EGR2: variants seen among roughly 807,000 people sequenced by gnomAD.
EGR2 encodes E3 SUMO-protein ligase EGR2.
Under a neutral mutation model 21.2 loss-of-function variants are expected in EGR2, and 2 were observed. The observed-to-expected ratio is 0.09, with a 90% CI of 0.04 to 0.30. The LOEUF (loss-of-function observed/expected upper bound fraction) is 0.30. Among genes scored for constraint, EGR2 ranks in the 10% least tolerant of loss-of-function variants. The pLI is 1.00. For missense variants in EGR2, 458 were observed against 630.2 expected (o/e 0.73, Z 2.93); for synonymous variants, 282 against 258.2 (o/e 1.09, Z -0.88).
At chr10:62,818,709 C>T, upstream of EGR2, 1 of 902,782 alleles carries the variant, frequency 1.1e-6, no homozygotes, top group South Asian at 1.7e-5. Context: ...CGATGGGGCT[C>T]GGGTTACGGC....
rs1842202676 is a variant in EGR2 at position 62,814,187 on chromosome 10, C to T, written c.451G>A (p.Val151Met). ...GGCTGGGTCTGGGACATGGTGCACACACCCAGGGGTCCTGTGGCCAGTGGG... is the reference window on the plus strand; with the variant it reads ...GGCTGGGTCTGGGACATGGTGCACATACCCAGGGGTCCTGTGGCCAGTGGG... ...PNPLATGPLG[V>M]CTMSQTQPDL... Residue 151 changes from valine to methionine, a missense_variant, in exon 2 of 2, where the codon GTG (valine) becomes ATG (methionine). Around this residue, in one of 5 missense-constraint regions of EGR2, gnomAD observed 253 missense variants for 315.5 expected, o/e 0.80. Coordinates refer to ENST00000242480, the MANE Select transcript of EGR2 (RefSeq NM_000399.5). This position sits in a 1 kb window ranked among gnomAD's most constrained non-coding sequence, Gnocchi z 4.8. The T allele has an allele frequency of 1.2e-6, 2 of 1,614,128 alleles. No individual in the cohort carries two copies. Among genetic ancestry groups the T allele is most frequent in the East Asian group, 2.2e-5 (1 of 44,884 alleles).
chr10:62,817,149 G>T (rs1838268877), upstream of EGR2, among the ~76,000 whole-genome samples: 1 of 152,124 alleles, frequency 6.6e-6, no homozygotes. The surrounding 1 kb of genome is among the most constrained non-coding windows in gnomAD (Gnocchi z 4.4). Flanking sequence ...ATCCTCAGCC[G>T]GAGACACCCT....
chr10:62,815,763 G>A (rs1008237586), intron 1 of EGR2, 98 bp downstream of exon 1: 4 of 1,450,690 alleles, frequency 2.8e-6, no homozygotes, highest in Non-Finnish European at 2.8e-6. Context: ...CGTCCACCTG[G>A]AGCCCCAATC....
rs766661774 is a variant in EGR2 at position 62,813,187 on chromosome 10, G to A, written c.*20C>T. 1.9e-6 allele frequency: 3 copies of A among 1,546,212 alleles called. No homozygotes were observed. In the South Asian group the frequency reaches 3.7e-5, roughly 19 times the overall value. ...GCCTCCGGGACCTTTGGGAGCTGGT[G>A]TATCAGCCTGAGTCTCATCTCAAGG... On this transcript the variant is annotated 3_prime_UTR_variant, in exon 2 of 2. Coordinates refer to ENST00000242480, the MANE Select transcript of EGR2 (RefSeq NM_000399.5). The surrounding 1 kb of genome is among the most constrained non-coding windows in gnomAD (Gnocchi z 5.7).
chr10:62,818,587 C>T, upstream of EGR2: 4 of 1,277,996 alleles, frequency 3.1e-6, no homozygotes, highest in South Asian at 5.0e-5. Flanking sequence ...GTCCCGCGGC[C>T]CCCGCGCTGA....
upstream of EGR2, chr10:62,818,643 G>C (rs1054419295): frequency 1.2e-5 from 15 of 1,262,016 alleles, no homozygotes; most frequent in African/African-American, 1.6e-5. Flanking sequence ...CTCGCATCTC[G>C]GGCCCTGAGT....
chr10:62,814,453 A>G lies in EGR2; in HGVS notation c.185T>C (p.Ile62Thr). The G allele has an allele frequency of 6.2e-7, 1 of 1,614,054 alleles. No individual in the cohort carries two copies. Among genetic ancestry groups the G allele is most frequent in the Non-Finnish European group, 8.5e-7 (1 of 1,179,980 alleles). Residue 62 changes from isoleucine to threonine, a missense_variant, in exon 2 of 2, where the codon ATT becomes ACT. By Grantham distance (89) the Ile-to-Thr change is moderately conservative (BLOSUM62 -1). Coordinates refer to ENST00000242480, the MANE Select transcript of EGR2 (RefSeq NM_000399.5). The surrounding 1 kb of genome is among the most constrained non-coding windows in gnomAD (Gnocchi z 4.8). ...NGVAGDGMIN[I>T]DMTGEKRSLD... is the part of the protein sequence containing the mutation. ...CGACCTCTTCTCTCCAGTCATGTCAATGTTGATCATGCCATCTGGGGAGGG... is the reference window on the plus strand; with the variant it reads ...CGACCTCTTCTCTCCAGTCATGTCAGTGTTGATCATGCCATCTGGGGAGGG...
Position 62,813,545 on chromosome 10 carries a change from T to C in EGR2, c.1093A>G (p.Thr365Ala). 6.2e-7 allele frequency: 1 copy of C among 1,613,440 alleles called. No individual in the cohort carries two copies. Among genetic ancestry groups the C allele is most frequent in the Non-Finnish European group, 8.5e-7 (1 of 1,180,006 alleles). Residue 365 changes from threonine to alanine, a missense_variant, in exon 2 of 2, where the codon ACT becomes GCT. Around this residue, in one of 5 missense-constraint regions of EGR2, gnomAD observed 39 missense variants for 113.7 expected, o/e 0.34. Transcript: ENST00000242480. This position sits in a 1 kb window ranked among gnomAD's most constrained non-coding sequence, Gnocchi z 5.7. Reference protein sequence around the residue: ...DELTRHIRIHTGHKPFQCRIC... With the variant: ...DELTRHIRIHAGHKPFQCRIC... ...CGACACTGGAAGGGCTTATGCCCAG[T>C]GTGGATTCGGATGTGCCGTGTCAGC...
chr10:62,817,066 T>G (rs1047909158), upstream of EGR2, among the ~76,000 whole-genome samples: 2 of 152,142 alleles, frequency 1.3e-5, no homozygotes, highest in Non-Finnish European at 2.9e-5. The surrounding 1 kb of genome is among the most constrained non-coding windows in gnomAD (Gnocchi z 4.4). Flanking sequence ...TTTGTTTAAG[T>G]ATTTTGGGCA....
chr10:62,815,620 G>A (rs1842246068), intron 1 of EGR2, among the ~76,000 whole-genome samples: 1 of 152,234 alleles, frequency 6.6e-6, no homozygotes, highest in Admixed American at 6.5e-5. Context: ...CGCTCGCCCG[G>A]GGCTGGGCGC....
chr10:62,815,825 C>A, intron 1 of EGR2, 36 bp downstream of exon 1: 1 of 1,612,550 alleles, frequency 6.2e-7, no homozygotes, highest in Non-Finnish European at 8.5e-7. Context: ...ACCTCCGGGC[C>A]GCGCAGGTCC....
chr10:62,815,758 A>G, intron 1 of EGR2, 103 bp downstream of exon 1: 2 of 1,424,872 alleles, frequency 1.4e-6, no homozygotes, highest in Non-Finnish European at 1.9e-6. Flanking sequence ...AGCACCGTCC[A>G]CCTGGAGCCC....
rs1360420318 is a variant in EGR2 at position 62,815,833 on chromosome 10, T to G, written c.169+28A>C. 3 of 1,613,218 alleles carry G rather than the reference T, an allele frequency of 1.9e-6. No individual in the cohort carries two copies. In the Admixed American group the frequency reaches 5.0e-5, roughly 27 times the overall value. On this transcript the variant is annotated intron_variant, in intron 1 of 1. Transcript: ENST00000242480. ...ATCCACCACCTCCGGGCCGCGCAGG[T>G]CCGGGCCTGCGAAGACACGCGGCTT...
upstream of EGR2, among the ~76,000 whole-genome samples, chr10:62,816,753 G>A (rs1842280942): frequency 2.6e-5 from 4 of 152,274 alleles, no homozygotes; most frequent in South Asian, 4.1e-4. Context: ...TCCGGTGCCG[G>A]CGGCTCCGCC....
chr10:62,816,099 G>C lies in EGR2; in HGVS notation c.-70C>G. The stretch of plus-strand genomic sequence containing the variant: ...AGTGTCAGAAAAGCCGTTTTGGAGA[G>C]GGGTTGGACTGAGCCTGGGATGGTA... On this transcript the variant is annotated 5_prime_UTR_variant, in exon 1 of 2. Coordinates refer to ENST00000242480, the MANE Select transcript of EGR2 (RefSeq NM_000399.5). 7 of 1,613,302 alleles carry C rather than the reference G, an allele frequency of 4.3e-6. No homozygotes were observed. The highest frequency in any genetic ancestry group is 5.9e-6 in the Non-Finnish European group (7 of 1,179,868).
chr10:62,818,313 C>G (rs1349312384), upstream of EGR2, among the ~76,000 whole-genome samples: 1 of 152,224 alleles, frequency 6.6e-6, no homozygotes, highest in Non-Finnish European at 1.5e-5. Flanking sequence ...CAGCCGGTAT[C>G]CAGCGGCCGG....
In EGR2 at chr10:62,813,843, G is replaced by A. The variant is rs1311519822; in HGVS notation, c.795C>T (p.Leu265=). 2 of 1,614,194 alleles carry A rather than the reference G, an allele frequency of 1.2e-6. No individual in the cohort carries two copies. Among genetic ancestry groups the A allele is most frequent in the Non-Finnish European group, 1.7e-6 (2 of 1,180,042 alleles). ...CCAGGGTAAAGTTACGGATTGTAGA[G>A]AGTGGAGTGAGTGGAGGGGGCACCC... ...TLRVPPPLTP[L]STIRNFTLGG... Residue 265 remains leucine, a synonymous_variant, in exon 2 of 2, where the codon CTC becomes CTT. Coordinates refer to ENST00000242480, the MANE Select transcript of EGR2 (RefSeq NM_000399.5). The surrounding 1 kb of genome is among the most constrained non-coding windows in gnomAD (Gnocchi z 5.7).
chr10:62,814,131 C>G lies in EGR2; in HGVS notation c.507G>C (p.Pro169=). ...PDLDHLYSPP[P]PPPPYSGCAG... ...CACAGCCAGAATAAGGAGGAGGAGGCGGTGGCGGAGAGTACAGGTGGTCCA... is the reference window on the plus strand; with the variant it reads ...CACAGCCAGAATAAGGAGGAGGAGGGGGTGGCGGAGAGTACAGGTGGTCCA... Residue 169 remains proline, a synonymous_variant, in exon 2 of 2, where the codon CCG becomes CCC. Coordinates refer to ENST00000242480, the MANE Select transcript of EGR2 (RefSeq NM_000399.5). This position sits in a 1 kb window ranked among gnomAD's most constrained non-coding sequence, Gnocchi z 4.8. 6.2e-7 allele frequency: 1 copy of G among 1,613,694 alleles called. No homozygotes were observed. Among genetic ancestry groups the G allele is most frequent in the Non-Finnish European group, 8.5e-7 (1 of 1,179,788 alleles).
At position 62,813,588 on chromosome 10, in the gene EGR2, C is replaced by G. The variant is rs781058000; in HGVS notation, c.1050G>C (p.Arg350=). The change falls in exon 2 of 2, where the codon CGG becomes CGC. Residue 350 remains arginine (R), a synonymous_variant. Transcript: ENST00000242480. This position sits in a 1 kb window ranked among gnomAD's most constrained non-coding sequence, Gnocchi z 5.7. The part of the protein sequence containing the change: ...YPCPAEGCDR[R]FSRSDELTRH... Reference sequence around the variant, plus strand: ...GTGTCAGCTCGTCAGAGCGGGAGAACCGCCGGTCGCAGCCTTCTGCTGGGC... The same window carrying G: ...GTGTCAGCTCGTCAGAGCGGGAGAAGCGCCGGTCGCAGCCTTCTGCTGGGC... 5.6e-6 allele frequency: 9 copies of G among 1,612,820 alleles called. No individual in the cohort carries two copies. In the Admixed American group the frequency reaches 1.3e-4, roughly 24 times the overall value.
Sources: gnomAD v4.1 joint callset for allele counts (sites outside exome capture counted in the v4.1 genomes callset) on GRCh38, gnomAD v4.1.1 for gene constraint, gnomAD v4.1.1 regional missense constraint, Gnocchi (gnomAD v3.1) non-coding constraint, MANE v1.5 for transcripts, NCBI Gene and HGNC (gene_info 2026-07-23, HGNC 2026-07-21) for gene names.